Variants in ZC3HC1 observed in about 807,000 individuals in gnomAD.
ZC3HC1 encodes the protein zinc finger C3HC-type protein 1.
A neutral mutation model predicts 61.9 loss-of-function variants in ZC3HC1; 38 were observed. The ratio of observed to expected loss-of-function variants is 0.61; its 90% confidence interval spans 0.47 to 0.81. The LOEUF is 0.81. Ranked by LOEUF, ZC3HC1 falls within the 30% of genes least tolerant of loss-of-function variation. The pLI is 0.00. For synonymous variants in ZC3HC1, 213 were observed against 229.9 expected, an observed-to-expected ratio of 0.93 and a Z score of 0.67; for missense variants, 554 against 622.7, an observed-to-expected ratio of 0.89 and a Z score of 1.17.
chr7:130,037,446 C>G (rs1794473033), intron 4 of ZC3HC1, among the ~76,000 whole-genome samples: 1 of 150,682 alleles, frequency 6.6e-6, no homozygotes, highest in Non-Finnish European at 1.5e-5. Context: ...GACTCCGTCT[C>G]AAGGAAAACA....
intron 1 of ZC3HC1, 98 bp downstream of exon 1, chr7:130,051,123 A>T: frequency 6.9e-7 from 1 of 1,459,644 alleles, no homozygotes; most frequent in Non-Finnish European, 9.1e-7. Context: ...CCACTGCCCG[A>T]GTCGCCGACC....
In ZC3HC1 at chr7:130,049,039, T is replaced by C. The variant is rs1221295173; in HGVS notation, c.252A>G (p.Thr84=). 1.9e-6 allele frequency: 3 copies of C among 1,596,636 alleles called. No individual in the cohort carries two copies. Among genetic ancestry groups the C allele is most frequent in the Non-Finnish European group, 2.6e-6 (3 of 1,172,910 alleles). The change falls in exon 2 of 10, where the codon ACA becomes ACG. Residue 84 remains threonine (T), a synonymous_variant. Coordinates refer to ENST00000358303, the MANE Select transcript of ZC3HC1 (RefSeq NM_016478.5). The part of the protein sequence containing the change: ...SKEAFFSRVE[T]FSSLKWAGKP... The stretch of plus-strand genomic sequence containing the variant: ...ATGAACTAAAAAAGGATATAGAAAA[T>C]GTTTCCACTCTGCTAAAGAAGGCTT...
chr7:130,035,556 C>T lies in ZC3HC1; in HGVS notation c.493+3908G>A, dbSNP rs1488748832. On this transcript the variant is annotated intron_variant, in intron 4 of 9. Transcript: ENST00000358303. ...TTTTTTTAATGGAGTCTCACTGTGT[C>T]GCCCAGGCTGGGGTGCAGTGTTCAA... 3.3e-5 allele frequency among the ~76,000 whole-genome samples: 5 copies of T among 151,748 alleles called. No individual in the cohort carries two copies. The East Asian group carries it at 5.8e-4, about 18-fold the overall frequency.
At chr7:130,028,637 G>T (rs769445573) in intron 5 of ZC3HC1, among the ~76,000 whole-genome samples, 1 of 152,026 alleles carries the variant, frequency 6.6e-6, no homozygotes, top group Non-Finnish European at 1.5e-5. Context: ...ATGCTTCCAG[G>T]TTACAGCCCT....
intron 4 of ZC3HC1, among the ~76,000 whole-genome samples, chr7:130,033,001 T>G (rs1383860687): frequency 6.6e-6 from 1 of 152,216 alleles, no homozygotes; most frequent in Non-Finnish European, 1.5e-5. Context: ...CTCTGGATAC[T>G]GAGGCAGAAG....
At chr7:130,038,441 A>G (rs1021606479) in intron 4 of ZC3HC1, among the ~76,000 whole-genome samples, 2 of 152,332 alleles carry the variant, frequency 1.3e-5, no homozygotes, top group African/African-American at 4.8e-5. Context: ...CAGGAAACCT[A>G]GGTAGAACAT....
chr7:130,025,362 G>A (rs1290186727), intron 6 of ZC3HC1, among the ~76,000 whole-genome samples: 1 of 151,100 alleles, frequency 6.6e-6, no homozygotes, highest in Non-Finnish European at 1.5e-5. Context: ...AAGGATAGTG[G>A]GAGTCTATGC....
chr7:130,027,982 C>G (rs182334608), intron 5 of ZC3HC1, among the ~76,000 whole-genome samples: 70 of 148,766 alleles, frequency 4.7e-4, no homozygotes, highest in Middle Eastern at 7.7e-3. Context: ...TCCTGCCCAA[C>G]ACAGTGAAAC....
intron 4 of ZC3HC1, among the ~76,000 whole-genome samples, chr7:130,032,729 G>A (rs1280470068): frequency 4.0e-4 from 41 of 103,272 alleles, no homozygotes; most frequent in Non-Finnish European, 5.3e-4. Context: ...GAAGGAGGGA[G>A]GGAGGGAGGG....
chr7:130,022,620 C>G, intron 8 of ZC3HC1, 95 bp from the exon 9 acceptor site: 1 of 1,280,084 alleles, frequency 7.8e-7, no homozygotes, highest in South Asian at 1.3e-5. Context: ...AATCTCACAA[C>G]TACCCATACT....
At position 130,022,422 on chromosome 7, in the gene ZC3HC1, G is replaced by T. The variant is rs1793688658; in HGVS notation, c.1337C>A (p.Thr446Asn). The T allele has an allele frequency of 6.2e-7, 1 of 1,612,514 alleles. No homozygotes were observed. Among genetic ancestry groups the T allele is most frequent in the African/African-American group, 1.3e-5 (1 of 74,900 alleles). ...TGCTGGGGCGCTGGCATCTGGTTCA[G>T]TTCCACCATTCTCCCTGCTTTCTTT... ...LGKESRENGGTEPDASAPAEP... is the reference protein window; with the variant it reads ...LGKESRENGGNEPDASAPAEP... Residue 446 changes from threonine (T) to asparagine (N), a missense_variant, in exon 9 of 10, where the codon ACT becomes AAT. Thr to Asn is a moderately conservative substitution (Grantham distance 65, BLOSUM62 0). Coordinates refer to ENST00000358303, the MANE Select transcript of ZC3HC1 (RefSeq NM_016478.5).
At chr7:130,025,149 A>G (rs1227172425) in intron 6 of ZC3HC1, among the ~76,000 whole-genome samples, 3 of 142,172 alleles carry the variant, frequency 2.1e-5, no homozygotes, top group Non-Finnish European at 4.6e-5. Flanking sequence ...CAGGTGATCC[A>G]CCCGCCTTGG....
intron 9 of ZC3HC1, among the ~76,000 whole-genome samples, chr7:130,021,938 G>A (rs564108560): frequency 1.6e-4 from 24 of 152,196 alleles, no homozygotes; most frequent in African/African-American, 5.5e-4. Context: ...ACTTTGGGAG[G>A]CCGAGGCGGG....
intron 1 of ZC3HC1, chr7:130,050,462 CAT>C: frequency 6.6e-7 from 1 of 1,523,728 alleles, no homozygotes; most frequent in Non-Finnish European, 8.7e-7. Flanking sequence ...CTCAGAGATT[CAT>C]AGAGAGCCTC....
intron 4 of ZC3HC1, among the ~76,000 whole-genome samples, chr7:130,030,351 C>T (rs930424532): frequency 6.6e-6 from 1 of 152,022 alleles, no homozygotes; most frequent in Non-Finnish European, 1.5e-5. Flanking sequence ...AGGTGCCTGA[C>T]ACCACACCTG....
In ZC3HC1 at chr7:130,023,599, A is replaced by G; in HGVS notation, c.1145T>C (p.Met382Thr). Residue 382 changes from methionine (M) to threonine (T), a missense_variant, in exon 8 of 10, where the codon ATG (methionine) becomes ACG (threonine). Physicochemically the swap from Met to Thr is moderately conservative, Grantham distance 81 (BLOSUM62 -1). Coordinates refer to ENST00000358303, the MANE Select transcript of ZC3HC1 (RefSeq NM_016478.5). The surrounding 1 kb of genome is among the most constrained non-coding windows in gnomAD (Gnocchi z 4.2). ...TTRTRPVTRSMGTGDTPGLEV... is the reference protein window; with the variant it reads ...TTRTRPVTRSTGTGDTPGLEV... ...CAGGCCAGGGGTGTCTCCTGTTCCC[A>G]TGCTTCGGGTCACTGGGCGAGTTCT... 1.2e-6 allele frequency: 2 copies of G among 1,614,100 alleles called. No individual in the cohort carries two copies. The highest frequency in any genetic ancestry group is 1.7e-6 in the Non-Finnish European group (2 of 1,180,012).
chr7:130,038,199 T>C (rs1794498604), intron 4 of ZC3HC1, among the ~76,000 whole-genome samples: 1 of 152,198 alleles, frequency 6.6e-6, no homozygotes, highest in African/African-American at 2.4e-5. Flanking sequence ...AGGGAGAGTA[T>C]GTCCTCTCAT....
At chr7:130,035,704 G>A (rs1046519072) in intron 4 of ZC3HC1, among the ~76,000 whole-genome samples, 19 of 152,036 alleles carry the variant, frequency 1.2e-4, no homozygotes, top group Non-Finnish European at 2.2e-4. Flanking sequence ...GGCTGGTCTC[G>A]AACTCCTGAC....
Position 130,027,814 on chromosome 7 carries a change from C to T in ZC3HC1, c.621+1088G>A, listed in dbSNP as rs367741332. ...GATTACAGGCATGAGCCACTGTGCC[C>T]GGGCTGACTACAGCATTTAAACATT... On this transcript the variant is annotated intron_variant, in intron 5 of 9. Coordinates refer to ENST00000358303, the MANE Select transcript of ZC3HC1 (RefSeq NM_016478.5). Among the ~76,000 whole-genome samples, 11 of 151,934 alleles carry T rather than the reference C, an allele frequency of 7.2e-5. No individual in the cohort carries two copies. The East Asian group carries it at 1.9e-3, about 27-fold the overall frequency.
Sources: gnomAD v4.1 joint callset for allele counts (sites outside exome capture counted in the v4.1 genomes callset) on GRCh38, gnomAD v4.1.1 for gene constraint, Gnocchi (gnomAD v3.1) non-coding constraint, MANE v1.5 for transcripts, NCBI Gene and HGNC (gene_info 2026-07-23, HGNC 2026-07-21) for gene names.